The following SEC23A variants were observed in gnomAD, a reference collection of about 807,000 sequenced individuals.
The protein encoded by SEC23A is protein transport protein Sec23A.
A neutral mutation model predicts 103.7 loss-of-function variants in SEC23A; 56 were observed. The ratio of observed to expected loss-of-function variants is 0.54; its 90% CI spans 0.44 to 0.67. The LOEUF (loss-of-function observed/expected upper bound fraction) is 0.67. Among genes scored for constraint, SEC23A ranks in the 30% least tolerant of loss-of-function variants. SEC23A has a pLI of 0.00. For synonymous variants in SEC23A, 281 were observed against 293.0 expected (o/e 0.96, Z 0.42); for missense variants, 784 against 936.4 (o/e 0.84, Z 2.12).
chr14:39,064,673 G>T, intron 11 of SEC23A: 1 of 503,806 alleles, frequency 2.0e-6, no homozygotes. Context: ...ATTTTGAAAG[G>T]AATGCTATAG....
chr14:39,036,750 T>C (rs1885475884), intron 19 of SEC23A, among the ~76,000 whole-genome samples: 1 of 152,178 alleles, frequency 6.6e-6, no homozygotes, highest in South Asian at 2.1e-4. Context: ...TCTGTGCCCT[T>C]ACCGTAATAA....
At chr14:39,087,335 A>G (rs1887478604) in intron 5 of SEC23A, among the ~76,000 whole-genome samples, 1 of 152,220 alleles carries the variant, frequency 6.6e-6, no homozygotes, top group Admixed American at 6.5e-5. Context: ...ATATTCATTC[A>G]TCCGTTTCAG....
intron 7 of SEC23A, 98 bp downstream of exon 7, chr14:39,085,663 GT>G: frequency 2.7e-6 from 4 of 1,461,470 alleles, no homozygotes; most frequent in Non-Finnish European, 3.8e-6. Context: ...AAGCACTTTG[GT>G]TCTTCTTATC....
In SEC23A at chr14:39,064,906, A is replaced by C; in HGVS notation, c.1308+7T>G. On this transcript the variant is annotated splice_region_variant and intron_variant, in intron 11 of 19. Transcript: ENST00000307712. Reference sequence around the variant, plus strand: ...TGTATTTTCTTTTTAGAATAAACACAACTTACATTTTCAGACACACAGGGT... The same window carrying C: ...TGTATTTTCTTTTTAGAATAAACACCACTTACATTTTCAGACACACAGGGT... 6.3e-7 allele frequency: 1 copy of C among 1,596,496 alleles called. No individual in the cohort carries two copies. Among genetic ancestry groups the C allele is most frequent in the Non-Finnish European group, 8.6e-7 (1 of 1,164,090 alleles).
At chr14:39,098,508 G>T (rs1414196245) in intron 1 of SEC23A, among the ~76,000 whole-genome samples, 1 of 152,074 alleles carries the variant, frequency 6.6e-6, no homozygotes, top group Non-Finnish European at 1.5e-5. Context: ...AGGCACAGTG[G>T]CTCACGCCTG....
rs34039376 is a variant in SEC23A at position 39,095,920 on chromosome 14, G to A, written c.199C>T (p.Arg67Cys). Residue 67 changes from arginine to cysteine, a missense_variant, in exon 2 of 20, where the codon CGT (arginine) becomes TGT (cysteine). Physicochemically the swap from Arg to Cys is radical, Grantham distance 180. Coordinates refer to ENST00000307712, the MANE Select transcript of SEC23A (RefSeq NM_006364.4). Reference sequence around the variant, plus strand: ...TACCATAAAGGATTCAAAACTGCACGGCAAGTGGTCCTACTACACAGAACA... The same window carrying A: ...TACCATAAAGGATTCAAAACTGCACAGCAAGTGGTCCTACTACACAGAACA... Reference protein sequence around the residue: ...EPVLCSRTTCRAVLNPLCQVD... With the variant: ...EPVLCSRTTCCAVLNPLCQVD... 1.1e-4 allele frequency: 171 copies of A among 1,613,228 alleles called. No homozygotes were observed. Among genetic ancestry groups the A allele is most frequent in the Non-Finnish European group, 1.2e-4 (144 of 1,179,386 alleles).
chr14:39,079,692 G>T (rs976502479), intron 7 of SEC23A, among the ~76,000 whole-genome samples: 2 of 151,866 alleles, frequency 1.3e-5, no homozygotes, highest in Non-Finnish European at 2.9e-5. Flanking sequence ...CGGGGTGGCG[G>T]GTACCTATAA....
At chr14:39,096,166 A>C in intron 1 of SEC23A, 27 bp from the exon 2 acceptor site, 1 of 1,399,898 alleles carries the variant, frequency 7.1e-7, no homozygotes, top group East Asian at 2.3e-5. Flanking sequence ...AAATATTTTA[A>C]AATCCAGGAT....
rs943289041 is a variant in SEC23A at position 39,063,486 on chromosome 14, GAA to G, written c.1309-75_1309-74del. ...TTAATTTTATATTAAAGTGAAAATG[GAA>G]AAAGACCACAGGAAAAAAAAAAGTC... is the stretch of plus-strand genomic sequence containing the variant. On this transcript the variant is annotated intron_variant, in intron 11 of 19. Transcript: ENST00000307712. The G allele has an allele frequency of 1.4e-5, 13 of 943,720 alleles. No homozygotes were observed. In the African/African-American group the frequency reaches 2.0e-4, roughly 15 times the overall value. 58.5% of individuals were successfully genotyped at this position (943,720 alleles called of 1,614,324 possible).
chr14:39,051,034 A>G (rs1355916272), intron 14 of SEC23A, among the ~76,000 whole-genome samples: 2 of 152,182 alleles, frequency 1.3e-5, no homozygotes, highest in Non-Finnish European at 2.9e-5. Context: ...CTATTACAAC[A>G]ACAGCAACAC....
chr14:39,041,088 A>C (rs1885621215), intron 17 of SEC23A: 2 of 533,304 alleles, frequency 3.8e-6, no homozygotes, highest in African/African-American at 3.9e-5. Context: ...TTCTCCTTTA[A>C]AAGTAAAATG....
At chr14:39,074,580 T>C in intron 8 of SEC23A, 50 bp from the exon 9 acceptor site, 1 of 1,178,456 alleles carries the variant, frequency 8.5e-7, no homozygotes. Flanking sequence ...GTCCTATAAA[T>C]CTTTTTTCCA....
intron 7 of SEC23A, among the ~76,000 whole-genome samples, chr14:39,076,805 T>C (rs1887043502): frequency 6.6e-6 from 1 of 151,474 alleles, no homozygotes; most frequent in South Asian, 2.1e-4. Context: ...CAGACGCCTA[T>C]AGTCCCACCT....
Position 39,055,147 on chromosome 14 carries a change from C to A in SEC23A, c.1655G>T (p.Arg552Leu). 6.2e-7 allele frequency: 1 copy of A among 1,614,110 alleles called. No individual in the cohort carries two copies. Among genetic ancestry groups the A allele is most frequent in the South Asian group, 1.1e-5 (1 of 91,052 alleles). ...VLRWLDRQLIRLCQKFGEYHK... is the reference protein window; with the variant it reads ...VLRWLDRQLILLCQKFGEYHK... Reference sequence around the variant, plus strand: ...AGCACAGTGTTTATTTCTTACCAGTCGAATGAGCTGTCTGTCCAGCCACCT... The same window carrying A: ...AGCACAGTGTTTATTTCTTACCAGTAGAATGAGCTGTCTGTCCAGCCACCT... Residue 552 changes from arginine to leucine, a missense_variant, in exon 14 of 20, where the codon CGA becomes CTA. Physicochemically the swap from Arg to Leu is moderately radical, Grantham distance 102. Coordinates refer to ENST00000307712, the MANE Select transcript of SEC23A (RefSeq NM_006364.4).
chr14:39,076,216 A>G lies in SEC23A; in HGVS notation c.829-123T>C. 3 of 852,602 alleles carry G rather than the reference A, an allele frequency of 3.5e-6. No homozygotes were observed. The East Asian group carries it at 8.1e-5, about 23-fold the overall frequency. 52.8% of individuals were successfully genotyped at this position (852,602 alleles called of 1,614,324 possible). Reference sequence around the variant, plus strand: ...ATATTTTCTAAGAAATAAAATAATCAAATGTTTACAATGAAATTTAAAAAC... The same window carrying G: ...ATATTTTCTAAGAAATAAAATAATCGAATGTTTACAATGAAATTTAAAAAC... On this transcript the variant is annotated intron_variant, in intron 7 of 19. Transcript: ENST00000307712.
chr14:39,066,076 CTA>C (rs1886658691), intron 10 of SEC23A, among the ~76,000 whole-genome samples: 2 of 146,294 alleles, frequency 1.4e-5, no homozygotes, highest in Admixed American at 6.9e-5. Context: ...AAATTGTGTC[CTA>C]TATATGTTCA....
chr14:39,052,257 G>A (rs924057727), intron 14 of SEC23A, among the ~76,000 whole-genome samples: 2 of 151,340 alleles, frequency 1.3e-5, no homozygotes, highest in Admixed American at 6.6e-5. Flanking sequence ...CATGGCACAC[G>A]TTTACCTATA....
rs184633029 is a variant in SEC23A, at chr14:39,046,316, A to G, written c.1738-992T>C. ...AAACCCCGTCTCTACTAAAAATACA[A>G]AAAATGATTAGCCGGGTATGGTCGC... On this transcript the variant is annotated intron_variant, in intron 15 of 19. Transcript: ENST00000307712. Among the ~76,000 whole-genome samples the G allele has an allele frequency of 2.0e-5, 3 of 152,190 alleles. No homozygotes were observed. The East Asian group carries it at 5.8e-4, about 29-fold the overall frequency.
At position 39,055,110 on chromosome 14, in the gene SEC23A, C is replaced by T. The variant is rs780949248; in HGVS notation, c.1659+33G>A. 3.7e-6 allele frequency: 6 copies of T among 1,612,972 alleles called. No individual in the cohort carries two copies. In the East Asian group the frequency reaches 6.7e-5, roughly 18 times the overall value. On this transcript the variant is annotated intron_variant, in intron 14 of 19. Coordinates refer to ENST00000307712, the MANE Select transcript of SEC23A (RefSeq NM_006364.4). Reference sequence around the variant, plus strand: ...AACATTTACTACAAATGAAAGCATACAGATTTAGAAAAGCACAGTGTTTAT... The same window carrying T: ...AACATTTACTACAAATGAAAGCATATAGATTTAGAAAAGCACAGTGTTTAT...
Sources: gnomAD v4.1 joint callset for allele counts (sites outside exome capture counted in the v4.1 genomes callset) on GRCh38, gnomAD v4.1.1 for gene constraint, MANE v1.5 for transcripts, NCBI Gene and HGNC (gene_info 2026-07-23, HGNC 2026-07-21) for gene names.